Variants in WDR27 observed in about 807,000 individuals in gnomAD.
The protein encoded by WDR27 is WD repeat-containing protein 27.
In WDR27, 100 loss-of-function variants were observed where a neutral mutation model predicts 114.4. The ratio of observed to expected loss-of-function variants is 0.87; its 90% confidence interval spans 0.74 to 1.03. WDR27 has a LOEUF of 1.03. WDR27 is among the 50% of genes least tolerant of loss of function. The pLI, the probability that WDR27 is intolerant of heterozygous loss-of-function variation, is 0.00. For missense variants in WDR27, 1,129 were observed against 1,092.9 expected, an observed-to-expected ratio of 1.03 and a Z score of -0.47; for synonymous variants, 449 against 423.1, an observed-to-expected ratio of 1.06 and a Z score of -0.75.
intron 25 of WDR27, among the ~76,000 whole-genome samples, chr6:169,518,842 A>C (rs1022920006): frequency 6.6e-6 from 1 of 152,202 alleles, no homozygotes; most frequent in African/African-American, 2.4e-5. Context: ...GTTCCAATAC[A>C]AATTCCAACT....
At chr6:169,497,412 G>C (rs957970353) in intron 25 of WDR27, among the ~76,000 whole-genome samples, 1 of 152,028 alleles carries the variant, frequency 6.6e-6, no homozygotes, top group Non-Finnish European at 1.5e-5. Flanking sequence ...TAGGCAAGTT[G>C]GACTTCGTGA....
At position 169,665,532 on chromosome 6, in the gene WDR27, A is replaced by G. The variant is rs372293280; in HGVS notation, c.737T>C (p.Ile246Thr). The change falls in exon 7 of 26, where the codon ATT (isoleucine) becomes ACT (threonine). Residue 246 changes from isoleucine to threonine, a missense_variant. By Grantham distance (89) the Ile-to-Thr change is moderately conservative. Coordinates refer to ENST00000448612, the MANE Select transcript of WDR27 (RefSeq NM_182552.5). Reference protein sequence around the residue: ...LSAYPLLSLFIDAESRQLVTG... With the variant: ...LSAYPLLSLFTDAESRQLVTG... ...GACCAGCTGCCTGCTTTCTGCATCA[A>G]TGAATAAACTGAGAAGAGGATATGC... 1.4e-5 allele frequency: 23 copies of G among 1,613,814 alleles called. No individual in the cohort carries two copies. The highest frequency in any genetic ancestry group is 4.0e-5 in the African/African-American group (3 of 75,044).
chr6:169,609,956 C>T (rs564928374), intron 22 of WDR27, among the ~76,000 whole-genome samples: 1 of 152,158 alleles, frequency 6.6e-6, no homozygotes, highest in Non-Finnish European at 1.5e-5. Flanking sequence ...GTTCAAAGTC[C>T]ACAAATCTCT....
At chr6:169,587,439 G>A (rs1275066972) in intron 23 of WDR27, among the ~76,000 whole-genome samples, 3 of 151,892 alleles carry the variant, frequency 2.0e-5, no homozygotes, top group Non-Finnish European at 2.9e-5. Context: ...GGCTGGTCTC[G>A]AACTCTTGAC....
chr6:169,474,671 C>G (rs1786890758), intron 25 of WDR27, among the ~76,000 whole-genome samples: 1 of 150,114 alleles, frequency 6.7e-6, no homozygotes. Flanking sequence ...AGTAAGAGTT[C>G]TACAATTAAA....
chr6:169,587,151 T>C (rs935673733), intron 23 of WDR27, among the ~76,000 whole-genome samples: 1 of 151,702 alleles, frequency 6.6e-6, no homozygotes, highest in African/African-American at 2.4e-5. Context: ...TCCCTAAGAA[T>C]TGGGCACTTA....
chr6:169,687,871 C>G (rs951549374), intron 2 of WDR27, among the ~76,000 whole-genome samples: 1 of 152,148 alleles, frequency 6.6e-6, no homozygotes, highest in Non-Finnish European at 1.5e-5. Flanking sequence ...TGAACCAGCA[C>G]AGTTCAAACC....
At chr6:169,519,567 C>T (rs1433655602) in intron 25 of WDR27, among the ~76,000 whole-genome samples, 1 of 151,956 alleles carries the variant, frequency 6.6e-6, no homozygotes, top group Non-Finnish European at 1.5e-5. Context: ...CTCATAAGAA[C>T]TCACCCACTA....
At chr6:169,492,749 T>C (rs1376173180) in intron 25 of WDR27, among the ~76,000 whole-genome samples, 1 of 151,736 alleles carries the variant, frequency 6.6e-6, no homozygotes, top group Non-Finnish European at 1.5e-5. Context: ...ACCAAAGAAA[T>C]TGATAAAAAT....
chr6:169,697,774 C>T (rs1786600525), intron 1 of WDR27, among the ~76,000 whole-genome samples: 1 of 152,228 alleles, frequency 6.6e-6, no homozygotes, highest in Non-Finnish European at 1.5e-5. Flanking sequence ...TTACCTATGG[C>T]CACTCTCCTT....
intron 22 of WDR27, among the ~76,000 whole-genome samples, chr6:169,610,479 C>A (rs567321092): frequency 1.3e-5 from 2 of 152,140 alleles, no homozygotes; most frequent in Non-Finnish European, 2.9e-5. Context: ...AAAGCAGAAA[C>A]CCCTGACAAA....
the WDR27 span, chr6:169,426,516 T>TA: frequency 3.9e-5 from 6 of 152,272 alleles, no homozygotes; most frequent in Non-Finnish European, 5.9e-5. Context: ...ATCAGAGCTA[T>TA]AAAATTGATA....
At chr6:169,680,663 T>A (rs1781276737) in intron 2 of WDR27, among the ~76,000 whole-genome samples, 1 of 152,198 alleles carries the variant, frequency 6.6e-6, no homozygotes, top group African/African-American at 2.4e-5. Flanking sequence ...AATAATGGAT[T>A]GTCAGGTTTG....
At chr6:169,606,513 T>A (rs1428014687) in intron 22 of WDR27, among the ~76,000 whole-genome samples, 1 of 152,190 alleles carries the variant, frequency 6.6e-6, no homozygotes, top group Non-Finnish European at 1.5e-5. Context: ...ATTCCTTGTG[T>A]CCATGTGTTC....
the WDR27 span, chr6:169,426,973 T>TGCGGG: frequency 1.1e-3 from 38 of 35,114 alleles, 1 homozygote; most frequent in African/African-American, 3.0e-3. Flanking sequence ...GTGGGGGCAG[T>TGCGGG]GGGGGGGGGG....
intron 22 of WDR27, among the ~76,000 whole-genome samples, chr6:169,610,152 C>T (rs375724460): frequency 9.2e-5 from 14 of 152,272 alleles, no homozygotes; most frequent in African/African-American, 3.4e-4. Flanking sequence ...GCAAACTTTC[C>T]CACATTTTCC....
At chr6:169,549,419 T>C (rs1797829981) in intron 25 of WDR27, among the ~76,000 whole-genome samples, 1 of 152,328 alleles carries the variant, frequency 6.6e-6, no homozygotes, top group African/African-American at 2.4e-5. Flanking sequence ...CATTCATTGC[T>C]GGTGGGAGTG....
At chr6:169,429,604 A>G in the WDR27 span, among the ~76,000 whole-genome samples, 2 of 152,112 alleles carry the variant, frequency 1.3e-5, no homozygotes, top group African/African-American at 4.8e-5. Context: ...AAACCAGCGA[A>G]TTCCATCCTG....
intron 25 of WDR27, among the ~76,000 whole-genome samples, chr6:169,548,401 AAG>A (rs1797720986): frequency 6.6e-6 from 1 of 152,214 alleles, no homozygotes; most frequent in Admixed American, 6.5e-5. Flanking sequence ...AAACAGCTAG[AAG>A]AGAGGATTCT....
Sources: gnomAD v4.1 joint callset for allele counts (sites outside exome capture counted in the v4.1 genomes callset) on GRCh38, gnomAD v4.1.1 for gene constraint, MANE v1.5 for transcripts, NCBI Gene and HGNC (gene_info 2026-07-23, HGNC 2026-07-21) for gene names.